The following PBX3 variants were observed in gnomAD, a reference collection of about 807,000 sequenced individuals.
PBX3 encodes pre-B-cell leukemia transcription factor 3.
Under a neutral mutation model 48.5 loss-of-function variants are expected in PBX3, and 14 were observed. The observed-to-expected ratio is 0.29, with a 90% CI of 0.19 to 0.45. The LOEUF is 0.45. PBX3 is among the 20% of genes least tolerant of loss of function. PBX3 has a pLI of 1.00. For synonymous variants in PBX3, 210 were observed against 200.3 expected, an observed-to-expected ratio of 1.05 and a Z score of -0.41; for missense variants, 386 against 546.7, an observed-to-expected ratio of 0.71 and a Z score of 2.93.
chr9:125,893,319 C>G (rs767682214), intron 2 of PBX3, among the ~76,000 whole-genome samples: 1 of 152,266 alleles, frequency 6.6e-6, no homozygotes, highest in African/African-American at 2.4e-5. Flanking sequence ...CTTTTAAAAT[C>G]GAGACTTTAA....
intron 2 of PBX3, among the ~76,000 whole-genome samples, chr9:125,803,384 G>A (rs1201022870): frequency 6.6e-6 from 1 of 151,728 alleles, no homozygotes; most frequent in African/African-American, 2.4e-5. Context: ...CACTGTGCCC[G>A]GCCCCCACTG....
chr9:125,852,264 C>T (rs1020283464), intron 2 of PBX3, among the ~76,000 whole-genome samples: 4 of 152,084 alleles, frequency 2.6e-5, no homozygotes, highest in Non-Finnish European at 4.4e-5. Context: ...TTTTGGAAAC[C>T]GCCATTCAGT....
rs1386281619 is a variant in PBX3, at chr9:125,915,520, A to G, written c.275-166A>G. Among the ~76,000 whole-genome samples, 4 of 152,172 alleles carry G rather than the reference A, an allele frequency of 2.6e-5. No individual in the cohort carries two copies. The South Asian group carries it at 8.3e-4, about 31-fold the overall frequency. ...AAACACTATCTTAAAAATAATTTTC[A>G]TACTTATTCAAACTTACCGATCAAA... On this transcript the variant is annotated intron_variant, in intron 2 of 8. Coordinates refer to ENST00000373489, the MANE Select transcript of PBX3 (RefSeq NM_006195.6).
chr9:125,801,447 A>G (rs1837941544), intron 2 of PBX3, among the ~76,000 whole-genome samples: 1 of 152,170 alleles, frequency 6.6e-6, no homozygotes. Context: ...TGACTGAGTA[A>G]AATTATTTCC....
At chr9:125,794,146 T>A (rs1445061177) in intron 2 of PBX3, among the ~76,000 whole-genome samples, 1 of 152,198 alleles carries the variant, frequency 6.6e-6, no homozygotes, top group Non-Finnish European at 1.5e-5. Flanking sequence ...AAAAAATGTT[T>A]AAGTTATGGA....
In PBX3 at chr9:125,905,657, A is replaced by T. The variant is rs115242782; in HGVS notation, c.275-10029A>T. Among the ~76,000 whole-genome samples the T allele has an allele frequency of 1.3e-3, 205 of 152,132 alleles. 1 individual carries two copies. The highest frequency in any genetic ancestry group is 4.8e-3 in the African/African-American group (201 of 41,536). On this transcript the variant is annotated intron_variant, in intron 2 of 8. Transcript: ENST00000373489. ...TATTTATTCATCACCATGAAAATTT[A>T]TCAGTACACTTGTGAAAATTTATCA...
intron 2 of PBX3, among the ~76,000 whole-genome samples, chr9:125,756,017 T>G (rs952232425): frequency 6.6e-6 from 1 of 152,098 alleles, no homozygotes; most frequent in Non-Finnish European, 1.5e-5. Context: ...TGTGCACCAA[T>G]GTCACTAAAT....
At chr9:125,750,254 A>T (rs1456009720) in intron 2 of PBX3, among the ~76,000 whole-genome samples, 2 of 152,186 alleles carry the variant, frequency 1.3e-5, no homozygotes, top group African/African-American at 4.8e-5. Flanking sequence ...ATACAGCCTT[A>T]TATTACTAGG....
chr9:125,883,708 C>G (rs1049392714), intron 2 of PBX3, among the ~76,000 whole-genome samples: 1 of 152,084 alleles, frequency 6.6e-6, no homozygotes, highest in Non-Finnish European at 1.5e-5. Flanking sequence ...GCAAACATTC[C>G]TCCTTGAAGC....
chr9:125,922,362 A>C (rs1350787037), intron 3 of PBX3, among the ~76,000 whole-genome samples: 1 of 152,220 alleles, frequency 6.6e-6, no homozygotes, highest in Non-Finnish European at 1.5e-5. Flanking sequence ...TTTTAAACAC[A>C]TAAACAAAAA....
intron 2 of PBX3, among the ~76,000 whole-genome samples, chr9:125,908,401 A>C (rs1797635885): frequency 1.3e-5 from 2 of 152,060 alleles, no homozygotes; most frequent in Non-Finnish European, 2.9e-5. Flanking sequence ...CTTCAGGGAG[A>C]AAAGGCAAGG....
chr9:125,762,909 T>G (rs1022241748), intron 2 of PBX3, among the ~76,000 whole-genome samples: 1 of 150,020 alleles, frequency 6.7e-6, no homozygotes, highest in African/African-American at 2.4e-5. Context: ...CTTGAGCAGA[T>G]TTTTTTTTTG....
intron 2 of PBX3, among the ~76,000 whole-genome samples, chr9:125,772,251 C>T (rs1488341712): frequency 2.0e-5 from 3 of 152,238 alleles, no homozygotes; most frequent in African/African-American, 7.2e-5. Context: ...CAAAAATTTG[C>T]TTTTCTTTCC....
intron 2 of PBX3, among the ~76,000 whole-genome samples, chr9:125,853,476 A>C (rs1330509826): frequency 6.6e-6 from 1 of 152,214 alleles, no homozygotes; most frequent in Non-Finnish European, 1.5e-5. Context: ...TCATTTTTAC[A>C]AAAAGAAGAA....
At chr9:125,855,051 G>A (rs1214053542) in intron 2 of PBX3, among the ~76,000 whole-genome samples, 1 of 152,176 alleles carries the variant, frequency 6.6e-6, no homozygotes, top group Non-Finnish European at 1.5e-5. Context: ...AGTCAGTTTA[G>A]TTTTATCTTT....
chr9:125,786,487 T>C (rs1292424233), intron 2 of PBX3, among the ~76,000 whole-genome samples: 2 of 152,170 alleles, frequency 1.3e-5, no homozygotes, highest in Non-Finnish European at 2.9e-5. Context: ...GGAGGTGATA[T>C]AAGGTGAAAG....
intron 2 of PBX3, among the ~76,000 whole-genome samples, chr9:125,847,903 T>C (rs1385201495): frequency 3.3e-5 from 5 of 151,982 alleles, no homozygotes; most frequent in African/African-American, 1.2e-4. Context: ...AATAGCTTTT[T>C]GTGATAGGTG....
chr9:125,898,819 A>G (rs1840837419), intron 2 of PBX3, among the ~76,000 whole-genome samples: 1 of 151,866 alleles, frequency 6.6e-6, no homozygotes, highest in South Asian at 2.1e-4. Flanking sequence ...TGAATGTTAA[A>G]GTTGTTTAAA....
intron 2 of PBX3, chr9:125,844,942 A>G (rs905540622): frequency 2.6e-5 from 4 of 152,150 alleles, no homozygotes; most frequent in Non-Finnish European, 5.9e-5. Context: ...ACCGTCCTGG[A>G]TCACTGGCTA....
Sources: gnomAD v4.1 joint callset for allele counts (sites outside exome capture counted in the v4.1 genomes callset) on GRCh38, gnomAD v4.1.1 for gene constraint, MANE v1.5 for transcripts, NCBI Gene and HGNC (gene_info 2026-07-23, HGNC 2026-07-21) for gene names.